The following NT5C2 variants were observed in gnomAD, a reference collection of about 807,000 sequenced individuals.
NT5C2 encodes the protein 5'-nucleotidase, cytosolic II.
Under a neutral mutation model 76.1 loss-of-function variants are expected in NT5C2, and 58 were observed. The observed-to-expected ratio is 0.76, with a 90% CI of 0.62 to 0.95. NT5C2 has a LOEUF of 0.95. Among genes scored for constraint, NT5C2 ranks in the 40% least tolerant of loss-of-function variants. The pLI, the probability that NT5C2 is intolerant of heterozygous loss-of-function variation, is 0.00. For synonymous variants in NT5C2, 229 were observed against 237.4 expected, an observed-to-expected ratio of 0.96 and a Z score of 0.32; for missense variants, 478 against 690.3, an observed-to-expected ratio of 0.69 and a Z score of 3.45.
chr10:103,175,066 C>A, intron 2 of NT5C2, 84 bp from the exon 3 acceptor site: 1 of 751,082 alleles, frequency 1.3e-6, no homozygotes, highest in Non-Finnish European at 2.2e-6. Flanking sequence ...CAGAAAAACT[C>A]CAGCTTGCAA....
intron 6 of NT5C2, chr10:103,105,475 G>T: frequency 1.8e-6 from 1 of 570,058 alleles, no homozygotes; most frequent in Non-Finnish European, 2.9e-6. Context: ...TAGTTTTGTT[G>T]TATGCTGTAT....
chr10:103,175,806 C>A, intron 2 of NT5C2: 2 of 201,390 alleles, frequency 9.9e-6, no homozygotes, highest in South Asian at 2.3e-4. Context: ...CTAATAAGTT[C>A]TCTCTCAAGA....
intron 4 of NT5C2, among the ~76,000 whole-genome samples, chr10:103,115,978 G>A (rs1317615629): frequency 1.3e-5 from 2 of 152,024 alleles, no homozygotes; most frequent in African/African-American, 4.8e-5. Context: ...CAAAAACACT[G>A]CCTGACTGTA....
rs552571843 is a variant in NT5C2 at position 103,127,000 on chromosome 10, G to A, written c.175+12406C>T. Reference sequence around the variant, plus strand: ...TTTCTGAGAAGTTTTTATAGAGACAGGGTCTCATTAGGTTCCCCAGGCTGG... The same window carrying A: ...TTTCTGAGAAGTTTTTATAGAGACAAGGTCTCATTAGGTTCCCCAGGCTGG... On this transcript the variant is annotated intron_variant, in intron 4 of 18. Coordinates refer to ENST00000404739, the MANE Select transcript of NT5C2 (RefSeq NM_001351169.2). Among the ~76,000 whole-genome samples, 55 of 152,208 alleles carry A rather than the reference G, an allele frequency of 3.6e-4. 1 individual carries two copies. In the Middle Eastern group the frequency reaches 0.014, roughly 38 times the overall value.
At chr10:103,094,751 G>A (rs1590687765) in intron 12 of NT5C2, among the ~76,000 whole-genome samples, 2 of 151,946 alleles carry the variant, frequency 1.3e-5, no homozygotes, top group East Asian at 1.9e-4. Flanking sequence ...GCGTGGTGGC[G>A]GGCGCCTGTA....
Position 103,125,191 on chromosome 10 carries a change from TC to T in NT5C2, c.175+14214del, listed in dbSNP as rs545858617. 6.4e-4 allele frequency: 425 copies of T among 668,532 alleles called. 1 individual carries two copies. The highest frequency in any genetic ancestry group is 6.1e-3 in the African/African-American group (332 of 54,800). The allele number at this position is 668,532 out of a possible 1,614,324, so 41.4% of individuals were successfully genotyped here. ...GCACATCAAATCTGGGACTCATCCC[TC>T]CACACCTGTTTAGCCTGCCTGTGAG... On this transcript the variant is annotated intron_variant, in intron 4 of 18. Coordinates refer to ENST00000404739, the MANE Select transcript of NT5C2 (RefSeq NM_001351169.2).
In NT5C2 at chr10:103,097,385, A is replaced by C; in HGVS notation, c.688-11T>G. 6.2e-7 allele frequency: 1 copy of C among 1,605,722 alleles called. No individual in the cohort carries two copies. The highest frequency in any genetic ancestry group is 8.5e-7 in the Non-Finnish European group (1 of 1,172,802). ...CAAAGGCAGTTTTCCCTGAAATGTAATTGGATAATGAGTGAAACACGAAAA... is the reference window on the plus strand; with the variant it reads ...CAAAGGCAGTTTTCCCTGAAATGTACTTGGATAATGAGTGAAACACGAAAA... On this transcript the variant is annotated splice_polypyrimidine_tract_variant and intron_variant, in intron 10 of 18. Transcript: ENST00000404739.
Position 103,178,022 on chromosome 10 carries a change from A to G in NT5C2, c.-24-3040T>C, listed in dbSNP as rs2090335767. Among the ~76,000 whole-genome samples the G allele has an allele frequency of 2.0e-5, 3 of 152,232 alleles. No individual in the cohort carries two copies. In the South Asian group the frequency reaches 6.2e-4, roughly 31 times the overall value. Reference sequence around the variant, plus strand: ...CTGGATATTTCATATAAATGGAATCATACAACATGTGACCTTTTGTGTCTG... The same window carrying G: ...CTGGATATTTCATATAAATGGAATCGTACAACATGTGACCTTTTGTGTCTG... On this transcript the variant is annotated intron_variant, in intron 2 of 18. Coordinates refer to ENST00000404739, the MANE Select transcript of NT5C2 (RefSeq NM_001351169.2).
chr10:103,101,042 T>C lies in NT5C2; in HGVS notation c.539+3A>G, dbSNP rs751802072. On this transcript the variant is annotated splice_donor_region_variant and intron_variant, in intron 8 of 18. Coordinates refer to ENST00000404739, the MANE Select transcript of NT5C2 (RefSeq NM_001351169.2). The stretch of plus-strand genomic sequence containing the variant: ...GAAAAAAATAATTATAGTATATACA[T>C]ACCTGGTATATCTGGGACAATTAGT... The C allele has an allele frequency of 6.8e-7, 1 of 1,465,512 alleles. No homozygotes were observed. Among genetic ancestry groups the C allele is most frequent in the Non-Finnish European group, 9.6e-7 (1 of 1,044,810 alleles). 90.8% of individuals were successfully genotyped at this position (1,465,512 alleles called of 1,614,324 possible).
At chr10:103,158,566 C>T (rs1463378724) in intron 3 of NT5C2, among the ~76,000 whole-genome samples, 1 of 151,906 alleles carries the variant, frequency 6.6e-6, no homozygotes, top group Non-Finnish European at 1.5e-5. Context: ...CTTAACAATC[C>T]CAGCACTTTG....
At chr10:103,160,816 C>T (rs1299746506) in intron 3 of NT5C2, among the ~76,000 whole-genome samples, 1 of 152,118 alleles carries the variant, frequency 6.6e-6, no homozygotes, top group Non-Finnish European at 1.5e-5. Flanking sequence ...AGATCGAGAC[C>T]ATCCTGACCA....
Position 103,091,590 on chromosome 10 carries a change from C to A in NT5C2, c.1185G>T (p.Leu395Phe). The A allele has an allele frequency of 6.2e-7, 1 of 1,613,534 alleles. No homozygotes were observed. The highest frequency in any genetic ancestry group is 8.5e-7 in the Non-Finnish European group (1 of 1,179,626). Residue 395 changes from leucine (L) to phenylalanine (F), a missense_variant, in exon 16 of 19, where the codon TTG becomes TTT. By Grantham distance (22) the Leu-to-Phe change is conservative. Transcript: ENST00000404739. ...TGTAGAGTTCAGCCAAGAAAATATC[C>A]AAGCTCTGAAGTTCTTCGAAAAGTG... Reference protein sequence around the residue: ...KSSLFEELQSLDIFLAELYKH... With the variant: ...KSSLFEELQSFDIFLAELYKH...
intron 13 of NT5C2, 90 bp from the exon 14 acceptor site, chr10:103,094,128 C>A (rs1345611261): frequency 1.2e-5 from 12 of 996,174 alleles, no homozygotes; most frequent in Non-Finnish European, 1.6e-5. Context: ...CCCCCCACCA[C>A]CAGTGCTACT....
chr10:103,177,140 G>A (rs1322551050), intron 2 of NT5C2, among the ~76,000 whole-genome samples: 1 of 151,972 alleles, frequency 6.6e-6, no homozygotes, highest in Non-Finnish European at 1.5e-5. Context: ...ACAAATACAA[G>A]CAATAAATAT....
intron 3 of NT5C2, among the ~76,000 whole-genome samples, chr10:103,174,392 G>A (rs572952775): frequency 6.6e-6 from 1 of 152,276 alleles, no homozygotes; most frequent in African/African-American, 2.4e-5. Flanking sequence ...GCAACAGAGT[G>A]AGACTCTGTC....
intron 17 of NT5C2, 22 bp downstream of exon 17, chr10:103,090,914 C>T: frequency 6.2e-7 from 1 of 1,611,554 alleles, no homozygotes; most frequent in Non-Finnish European, 8.5e-7. Context: ...CCCAAGTTTT[C>T]TCCCAAATCC....
In NT5C2 at chr10:103,170,088, C is replaced by T. The variant is rs2087495429; in HGVS notation, c.101+4770G>A. On this transcript the variant is annotated intron_variant, in intron 3 of 18. Transcript: ENST00000404739. Reference sequence around the variant, plus strand: ...GTTGCAGTGAGCCAAGATCATGCCACTGCACCCCAACCTGGGCTACAGAGC... The same window carrying T: ...GTTGCAGTGAGCCAAGATCATGCCATTGCACCCCAACCTGGGCTACAGAGC... Among the ~76,000 whole-genome samples, 4 of 152,306 alleles carry T rather than the reference C, an allele frequency of 2.6e-5. No individual in the cohort carries two copies. The South Asian group carries it at 8.3e-4, about 32-fold the overall frequency.
At chr10:103,170,625 T>C (rs11191589) in intron 3 of NT5C2, among the ~76,000 whole-genome samples, 47,317 of 149,506 alleles carry the variant, frequency 0.32, 7,531 homozygotes, top group Middle Eastern at 0.36. Context: ...CAGACGCAGG[T>C]GATCCTCCCA....
Position 103,105,841 on chromosome 10 carries a change from T to TAC in NT5C2, c.294-42_294-41dup, listed in dbSNP as rs764590902. On this transcript the variant is annotated intron_variant, in intron 5 of 18. Transcript: ENST00000404739. ...AGACATTATTGATAATGCAAAGTAA[T>TAC]ACAGGCAATAATTTTATGTAGTAGT... is the stretch of plus-strand genomic sequence containing the variant. 320 of 1,347,250 alleles carry TAC rather than the reference T, an allele frequency of 2.4e-4. 1 individual carries two copies. In the Middle Eastern group the frequency reaches 7.6e-3, roughly 32 times the overall value. The allele number at this position is 1,347,250 out of a possible 1,614,324, so 83.5% of individuals were successfully genotyped here. A position where few individuals can be genotyped will look rare whatever the true frequency, so the allele number is the denominator to read the frequency against.
Sources: allele counts gnomAD v4.1 joint callset (sites outside exome capture counted in the v4.1 genomes callset), GRCh38; gene constraint gnomAD v4.1.1; transcripts MANE v1.5; gene names NCBI Gene and HGNC (gene_info 2026-07-23, HGNC 2026-07-21).